Variants in CBFA2T2 observed in about 807,000 individuals in gnomAD.
The protein encoded by CBFA2T2 is CBFA2/RUNX1 partner transcriptional co-repressor 2.
In CBFA2T2, 11 loss-of-function variants were observed where a neutral mutation model predicts 62.2. The ratio of observed to expected loss-of-function variants is 0.18; its 90% confidence interval spans 0.11 to 0.29. The LOEUF is 0.29. Ranked by LOEUF, CBFA2T2 falls within the 10% of genes least tolerant of loss-of-function variation. CBFA2T2 has a pLI of 1.00. For missense variants in CBFA2T2, 592 were observed against 774.1 expected, an observed-to-expected ratio of 0.76 and a Z score of 2.79; for synonymous variants, 295 against 287.5, an observed-to-expected ratio of 1.03 and a Z score of -0.27.
rs2017050800 is a variant in CBFA2T2 at position 33,646,404 on chromosome 20, T to C, written c.*1758T>C. 6.6e-6 allele frequency: 1 copy of C among 152,206 alleles called. No individual in the cohort carries two copies. The highest frequency in any genetic ancestry group is 2.4e-5 in the African/African-American group (1 of 41,428). The allele number at this position is 152,206 out of a possible 1,614,324, so 9.4% of individuals were successfully genotyped here. A position where few individuals can be genotyped will look rare whatever the true frequency, so the allele number is the denominator to read the frequency against. On this transcript the variant is annotated 3_prime_UTR_variant, in exon 11 of 11. Coordinates refer to ENST00000342704, the MANE Select transcript of CBFA2T2 (RefSeq NM_001032999.3). ...ACCCAGAAATCAGTTGGAGTAAGTT[T>C]AATTGGCCCTGCTCCAGCTGGCCTT...
chr20:33,641,725 G>T (rs930001954), intron 10 of CBFA2T2, among the ~76,000 whole-genome samples: 7 of 152,170 alleles, frequency 4.6e-5, no homozygotes, highest in Non-Finnish European at 8.8e-5. Context: ...TTGGAGTACA[G>T]GTGCACACCA....
intron 1 of CBFA2T2, among the ~76,000 whole-genome samples, chr20:33,501,931 C>T (rs368577293): frequency 6.0e-5 from 8 of 133,736 alleles, no homozygotes; most frequent in Middle Eastern, 3.7e-3. Flanking sequence ...TGAGCCACTG[C>T]GCCTGGCCTA....
chr20:33,543,174 C>T (rs550643616), intron 1 of CBFA2T2, among the ~76,000 whole-genome samples: 57 of 152,074 alleles, frequency 3.7e-4, no homozygotes, highest in African/African-American at 1.2e-3. Flanking sequence ...CCACCATGCC[C>T]GGCTAACTTT....
rs2011911847 is a variant in CBFA2T2 at position 33,527,182 on chromosome 20, C to T, written c.34+36881C>T. Reference sequence around the variant, plus strand: ...TATAGTTTTTTAAAATCACATATCACTTAATTTTGTGTGTGTATTTTTGTT... The same window carrying T: ...TATAGTTTTTTAAAATCACATATCATTTAATTTTGTGTGTGTATTTTTGTT... On this transcript the variant is annotated intron_variant, in intron 1 of 10. Transcript: ENST00000342704. Among the ~76,000 whole-genome samples the T allele has an allele frequency of 4.6e-5, 7 of 152,070 alleles. No homozygotes were observed. The South Asian group carries it at 1.5e-3, about 32-fold the overall frequency.
At chr20:33,509,723 G>A (rs1349407703) in intron 1 of CBFA2T2, among the ~76,000 whole-genome samples, 7 of 152,112 alleles carry the variant, frequency 4.6e-5, no homozygotes, top group Non-Finnish European at 1.0e-4. Context: ...CAGCTACTTG[G>A]GAGGCTAGGG....
chr20:33,518,664 T>A (rs1356948328), intron 1 of CBFA2T2, among the ~76,000 whole-genome samples: 1 of 151,318 alleles, frequency 6.6e-6, no homozygotes, highest in East Asian at 2.0e-4. Context: ...CCCAGCTACT[T>A]GGGAGGCTGA....
chr20:33,495,288 A>T (rs2011188044), intron 1 of CBFA2T2, among the ~76,000 whole-genome samples: 1 of 150,124 alleles, frequency 6.7e-6, no homozygotes, highest in Non-Finnish European at 1.5e-5. Context: ...GTACCAGCTG[A>T]GGCAGGAGAA....
intron 1 of CBFA2T2, among the ~76,000 whole-genome samples, chr20:33,510,197 CTT>C (rs1345066528): frequency 3.3e-5 from 5 of 151,178 alleles, no homozygotes; most frequent in Non-Finnish European, 7.4e-5. Flanking sequence ...ATATGTGCCA[CTT>C]TTTCTTTTTT....
chr20:33,540,561 T>C (rs989636093), intron 1 of CBFA2T2, among the ~76,000 whole-genome samples: 2 of 152,246 alleles, frequency 1.3e-5, no homozygotes, highest in African/African-American at 4.8e-5. Flanking sequence ...GCAGCCCTTA[T>C]AACATGCTTT....
At chr20:33,536,896 C>T (rs1399310714) in intron 1 of CBFA2T2, among the ~76,000 whole-genome samples, 3 of 148,990 alleles carry the variant, frequency 2.0e-5, no homozygotes, top group East Asian at 2.0e-4. Context: ...GGATGGCGGC[C>T]GGGAAGAGGC....
chr20:33,558,368 A>G (rs1274468482), intron 1 of CBFA2T2, among the ~76,000 whole-genome samples: 1 of 152,118 alleles, frequency 6.6e-6, no homozygotes, highest in Non-Finnish European at 1.5e-5. Flanking sequence ...CCTGGCCTCA[A>G]GTGAGACATC....
At chr20:33,575,879 A>G (rs566165678) in intron 1 of CBFA2T2, among the ~76,000 whole-genome samples, 2 of 151,722 alleles carry the variant, frequency 1.3e-5, no homozygotes, top group East Asian at 1.9e-4. Context: ...CCGGGTTCAC[A>G]CCACTCTCCT....
intron 3 of CBFA2T2, among the ~76,000 whole-genome samples, chr20:33,612,006 G>A (rs543938914): frequency 6.6e-6 from 1 of 152,152 alleles, no homozygotes; most frequent in Non-Finnish European, 1.5e-5. Flanking sequence ...CCAAACCAAG[G>A]AGAGTAGAGA....
At chr20:33,561,810 G>C (rs2013100882) in intron 1 of CBFA2T2, among the ~76,000 whole-genome samples, 1 of 152,122 alleles carries the variant, frequency 6.6e-6, no homozygotes, top group South Asian at 2.1e-4. Flanking sequence ...TACAGCATCA[G>C]AACCATGTTG....
chr20:33,612,837 G>A (rs1239597781), intron 3 of CBFA2T2, among the ~76,000 whole-genome samples: 4 of 152,240 alleles, frequency 2.6e-5, no homozygotes, highest in Non-Finnish European at 5.9e-5. Flanking sequence ...GCTCACGCCT[G>A]TAATTTGGGA....
In CBFA2T2 at chr20:33,624,976, T is replaced by C. The variant is rs775308003; in HGVS notation, c.905T>C (p.Met302Thr). Residue 302 changes from methionine to threonine, a missense_variant, in exon 6 of 11, where the codon ATG (methionine) becomes ACG (threonine). Met to Thr is a moderately conservative substitution (Grantham distance 81, BLOSUM62 -1). Coordinates refer to ENST00000342704, the MANE Select transcript of CBFA2T2 (RefSeq NM_001032999.3). Reference sequence around the variant, plus strand: ...CACCTGTATCGGGAACCCAACAAGATGCTAGAGCATCGAGAAGTTCGTGAT... The same window carrying C: ...CACCTGTATCGGGAACCCAACAAGACGCTAGAGCATCGAGAAGTTCGTGAT... ...TSHLYREPNK[M>T]LEHREVRDRH... 7 of 1,614,174 alleles carry C rather than the reference T, an allele frequency of 4.3e-6. No homozygotes were observed. The highest frequency in any genetic ancestry group is 5.1e-6 in the Non-Finnish European group (6 of 1,180,022).
chr20:33,490,714 G>A (rs2011140506), intron 1 of CBFA2T2, among the ~76,000 whole-genome samples: 1 of 152,214 alleles, frequency 6.6e-6, no homozygotes, highest in African/African-American at 2.4e-5. Flanking sequence ...GCCTGTTTGA[G>A]CGCAGGCTCA....
chr20:33,509,845 A>G (rs2011476738), intron 1 of CBFA2T2, among the ~76,000 whole-genome samples: 1 of 151,250 alleles, frequency 6.6e-6, no homozygotes, highest in Non-Finnish European at 1.5e-5. Flanking sequence ...TTTAAATACA[A>G]GTTCTAGGGT....
At chr20:33,602,620 T>C (rs1601044994) in intron 1 of CBFA2T2, among the ~76,000 whole-genome samples, 1 of 151,950 alleles carries the variant, frequency 6.6e-6, no homozygotes, top group Non-Finnish European at 1.5e-5. Context: ...CCTGAAACCA[T>C]GGGAAGTATT....
Sources: allele counts gnomAD v4.1 joint callset (sites outside exome capture counted in the v4.1 genomes callset), GRCh38; gene constraint gnomAD v4.1.1; transcripts MANE v1.5; gene names NCBI Gene and HGNC (gene_info 2026-07-23, HGNC 2026-07-21).